Variants in CELF1 observed in about 807,000 individuals in gnomAD.
The protein encoded by CELF1 is CUGBP Elav-like family member 1, also known as 50 kDa nuclear polyadenylated RNA-binding protein.
A neutral mutation model predicts 61.8 loss-of-function variants in CELF1; 10 were observed. The observed-to-expected ratio is 0.16, with a 90% CI of 0.10 to 0.27. CELF1 has a LOEUF of 0.27. Ranked by LOEUF, CELF1 falls within the 10% of genes least tolerant of loss-of-function variation. The pLI, the probability that CELF1 is intolerant of heterozygous loss-of-function variation, is 1.00. For missense variants in CELF1, 380 were observed against 639.1 expected (o/e 0.59, Z 4.37); for synonymous variants, 236 against 225.1 (o/e 1.05, Z -0.43).
intron 1 of CELF1, among the ~76,000 whole-genome samples, chr11:47,510,556 G>C (rs149281636): frequency 1.3e-5 from 2 of 152,106 alleles, no homozygotes; most frequent in South Asian, 2.1e-4. Flanking sequence ...GTGTCATCTC[G>C]GCTCACTGCA....
intron 3 of CELF1, among the ~76,000 whole-genome samples, chr11:47,489,931 TC>T (rs1376158260): frequency 1.7e-5 from 2 of 120,904 alleles, no homozygotes; most frequent in African/African-American, 7.0e-5. Flanking sequence ...GAACATACCA[TC>T]TTGTTTTTTT....
rs189023646 is a variant in CELF1, at chr11:47,486,821, T to C, written c.343-23A>G. On this transcript the variant is annotated intron_variant, in intron 5 of 14. Transcript: ENST00000687097. ...CATCTGAAAAGGAAAAATATGATTATTATCACTGTATATATTGATGGTATT... is the reference window on the plus strand; with the variant it reads ...CATCTGAAAAGGAAAAATATGATTACTATCACTGTATATATTGATGGTATT... 3.6e-4 allele frequency: 557 copies of C among 1,559,254 alleles called. 1 individual carries two copies. Among genetic ancestry groups the C allele is most frequent in the Admixed American group, 4.7e-4 (28 of 59,944 alleles).
intron 6 of CELF1, 42 bp downstream of exon 6, chr11:47,486,708 T>G (rs1321277178): frequency 6.5e-7 from 1 of 1,546,724 alleles, no homozygotes; most frequent in African/African-American, 1.4e-5. Flanking sequence ...GTGCCTGGCC[T>G]AGGCAGAAAT....
At chr11:47,557,682 A>G (rs1227152191), upstream of CELF1, 1 of 144,602 alleles carries the variant, frequency 6.9e-6, no homozygotes, top group African/African-American at 2.7e-5. Context: ...GTGGTCCCCC[A>G]CTCTCTGGAG....
At chr11:47,548,057 T>C (rs2097024009) in intron 1 of CELF1, among the ~76,000 whole-genome samples, 1 of 152,018 alleles carries the variant, frequency 6.6e-6, no homozygotes, top group Admixed American at 6.6e-5. Flanking sequence ...TCCCAACACT[T>C]TGGGAGGCTG....
chr11:47,563,557 C>T lies in CELF1; in HGVS notation c.-11+794G>A, dbSNP rs181727356. 1.4e-4 allele frequency among the ~76,000 whole-genome samples: 22 copies of T among 152,118 alleles called. No individual in the cohort carries two copies. The East Asian group carries it at 1.6e-3, about 11-fold the overall frequency. ...ACACAAAATTAGCCAGGCATGGTGG[C>T]GGGCACCTGTAGTTCTAGCTACTGG... On this transcript the variant is annotated intron_variant, in intron 2 of 3. Transcript: ENST00000525841.
intron 2 of CELF1, among the ~76,000 whole-genome samples, chr11:47,560,008 A>G (rs2097220602): frequency 6.6e-6 from 1 of 151,878 alleles, no homozygotes; most frequent in Admixed American, 6.6e-5. Flanking sequence ...TCTCAAAAAA[A>G]AAAAAAAAAA....
intron 1 of CELF1, among the ~76,000 whole-genome samples, chr11:47,505,429 G>GAC (rs1200296783): frequency 6.6e-6 from 1 of 150,846 alleles, no homozygotes; most frequent in East Asian, 1.9e-4. Flanking sequence ...GTCAGATCGA[G>GAC]ACCACCCTGG....
At chr11:47,501,973 CTACT>C (rs2093964837) in intron 1 of CELF1, among the ~76,000 whole-genome samples, 1 of 152,134 alleles carries the variant, frequency 6.6e-6, no homozygotes, top group Non-Finnish European at 1.5e-5. Context: ...TAACAAAAGA[CTACT>C]TAAATGGAGA....
chr11:47,559,189 G>A (rs1404862567), intron 2 of CELF1, among the ~76,000 whole-genome samples: 8 of 150,082 alleles, frequency 5.3e-5, no homozygotes, highest in Admixed American at 1.4e-4. Context: ...TCCGTCTCCC[G>A]GATTCAAGCA....
chr11:47,486,160 C>CAAAAAAAAAAAAAAAAA (rs375593179), intron 6 of CELF1, among the ~76,000 whole-genome samples: 37 of 82,684 alleles, frequency 4.5e-4, no homozygotes, highest in Non-Finnish European at 7.6e-4. Context: ...GACTCCATCT[C>CAAAAAAAAAAAAAAAAA]AAAAAAAAAA....
At chr11:47,551,187 C>T (rs191265793) in intron 1 of CELF1, among the ~76,000 whole-genome samples, 37 of 152,218 alleles carry the variant, frequency 2.4e-4, no homozygotes, top group African/African-American at 8.9e-4. Flanking sequence ...CTAGATAGCA[C>T]AATCTCTAAA....
In CELF1 at chr11:47,494,433, G is replaced by A. The variant is rs944746067; in HGVS notation, c.71+5020C>T. 1.6e-5 allele frequency: 16 copies of A among 982,370 alleles called. No homozygotes were observed. The South Asian group carries it at 3.3e-4, about 20-fold the overall frequency. The allele number at this position is 982,370 out of a possible 1,614,324, so 60.9% of individuals were successfully genotyped here. A position where few individuals can be genotyped will look rare whatever the true frequency, so the allele number is the denominator to read the frequency against. On this transcript the variant is annotated intron_variant, in intron 3 of 14. Transcript: ENST00000687097. ...GGTTACTTCGTCTACCTTGATTTCT[G>A]CTGAAACATACTATGAGAAAATACA...
Position 47,483,508 on chromosome 11 carries a change from G to A in CELF1, c.551C>T (p.Thr184Ile), listed in dbSNP as rs774936577. 1.2e-6 allele frequency: 2 copies of A among 1,613,964 alleles called. No individual in the cohort carries two copies. Among genetic ancestry groups the A allele is most frequent in the South Asian group, 1.1e-5 (1 of 91,084 alleles). ...GATAGCCGTCTGTGCCATGGCTCTT[G>A]TTGTAAAAGTCACAAATGCACAACC... ...SRGCAFVTFT[T>I]RAMAQTAIKA... is the part of the protein sequence containing the mutation. The change falls in exon 8 of 15, where the codon ACA becomes ATA. Residue 184 changes from threonine (T) to isoleucine (I), a missense_variant. Thr to Ile is a moderately conservative substitution (Grantham distance 89). Coordinates refer to ENST00000687097, the MANE Select transcript of CELF1 (RefSeq NM_001376376.1).
chr11:47,564,171 CAAAAAAAA>C (rs779009192), intron 2 of CELF1, among the ~76,000 whole-genome samples: 18 of 62,914 alleles, frequency 2.9e-4, no homozygotes, highest in Non-Finnish European at 5.0e-4. Context: ...ACTAAAAATA[CAAAAAAAA>C]AAAAAAAAAA....
chr11:47,482,442 G>A (rs529114979), intron 9 of CELF1: 9 of 297,202 alleles, frequency 3.0e-5, no homozygotes, highest in East Asian at 1.2e-4. Flanking sequence ...TCTTTAAAAC[G>A]GGAAACCAGG....
intron 1 of CELF1, 22 bp from the exon 2 acceptor site, chr11:47,500,954 G>C (rs1597091620): frequency 2.5e-6 from 1 of 397,544 alleles, no homozygotes. Flanking sequence ...TAAAACGAAT[G>C]AACTACTAAA....
chr11:47,510,522 T>C (rs2095044226), intron 1 of CELF1, among the ~76,000 whole-genome samples: 1 of 152,202 alleles, frequency 6.6e-6, no homozygotes, highest in Non-Finnish European at 1.5e-5. Flanking sequence ...GGTCTCGCTC[T>C]GTTGCCCAGG....
chr11:47,504,430 TA>T (rs1164262330), intron 1 of CELF1, among the ~76,000 whole-genome samples: 1 of 151,178 alleles, frequency 6.6e-6, no homozygotes, highest in Non-Finnish European at 1.5e-5. Context: ...ATACAAAAAA[TA>T]GTGAGGCATG....
Sources: gnomAD v4.1 joint callset for allele counts (sites outside exome capture counted in the v4.1 genomes callset) on GRCh38, gnomAD v4.1.1 for gene constraint, MANE v1.5 for transcripts, NCBI Gene and HGNC (gene_info 2026-07-23, HGNC 2026-07-21) for gene names.